CNTN5: variants seen among roughly 807,000 people sequenced by gnomAD.
The protein encoded by CNTN5 is contactin 5.
A neutral mutation model predicts 129.1 loss-of-function variants in CNTN5; 77 were observed. The observed-to-expected ratio is 0.60, with a 90% CI of 0.50 to 0.72. The LOEUF (loss-of-function observed/expected upper bound fraction) is 0.72, where lower values mean the gene tolerates loss of function less well. Ranked by LOEUF, CNTN5 falls within the 30% of genes least tolerant of loss-of-function variation. CNTN5 has a pLI of 0.00. For synonymous variants in CNTN5, 509 were observed against 465.6 expected (o/e 1.09, Z -1.20); for missense variants, 1,478 against 1,328.8 (o/e 1.11, Z -1.75).
At chr11:99,320,467 T>A (rs1315753889) in intron 1 of CNTN5, among the ~76,000 whole-genome samples, 1 of 152,166 alleles carries the variant, frequency 6.6e-6, no homozygotes, top group Admixed American at 6.6e-5. Flanking sequence ...GACATAAATT[T>A]GGAAGTTTTT....
At chr11:99,445,792 A>T (rs1591070441) in intron 2 of CNTN5, among the ~76,000 whole-genome samples, 1 of 152,008 alleles carries the variant, frequency 6.6e-6, no homozygotes, top group Non-Finnish European at 1.5e-5. Context: ...CTTTTAAAGT[A>T]CTTCCTTAGG....
At chr11:99,056,558 C>A (rs1343991201) in intron 1 of CNTN5, among the ~76,000 whole-genome samples, 1 of 151,996 alleles carries the variant, frequency 6.6e-6, no homozygotes, top group Non-Finnish European at 1.5e-5. Flanking sequence ...CCACCAGCAT[C>A]ATATTTTAAT....
intron 6 of CNTN5, among the ~76,000 whole-genome samples, chr11:99,885,903 A>G (rs940268379): frequency 6.6e-6 from 1 of 152,196 alleles, no homozygotes; most frequent in Non-Finnish European, 1.5e-5. Context: ...AGGAAATTAA[A>G]GCTTAACTAG....
chr11:99,124,176 C>G (rs1349019490), intron 1 of CNTN5, among the ~76,000 whole-genome samples: 1 of 151,944 alleles, frequency 6.6e-6, no homozygotes, highest in Admixed American at 6.6e-5. Context: ...GAATGTTTTT[C>G]CACTATTTGT....
chr11:100,110,931 C>G (rs1480999687), intron 13 of CNTN5, among the ~76,000 whole-genome samples: 2 of 151,844 alleles, frequency 1.3e-5, no homozygotes, highest in African/African-American at 4.8e-5. Context: ...ATAGTGCAGT[C>G]CATTGAGTAT....
chr11:100,216,797 A>T (rs936928736), intron 15 of CNTN5, among the ~76,000 whole-genome samples: 1 of 152,170 alleles, frequency 6.6e-6, no homozygotes, highest in East Asian at 1.9e-4. Flanking sequence ...TTACTACTCA[A>T]TGAAGCCATT....
chr11:99,531,243 G>T (rs1591229124), intron 2 of CNTN5, among the ~76,000 whole-genome samples: 3 of 152,320 alleles, frequency 2.0e-5, no homozygotes, highest in African/African-American at 7.2e-5. Context: ...GGCAGCATTT[G>T]CCCCTGCCAT....
chr11:99,343,418 A>G (rs1314149084), intron 2 of CNTN5, among the ~76,000 whole-genome samples: 1 of 152,218 alleles, frequency 6.6e-6, no homozygotes, highest in Non-Finnish European at 1.5e-5. Context: ...TGAGTGCTTC[A>G]TTATAAGACG....
At chr11:99,164,581 A>G (rs1206650966) in intron 1 of CNTN5, among the ~76,000 whole-genome samples, 7 of 152,200 alleles carry the variant, frequency 4.6e-5, no homozygotes, top group Non-Finnish European at 8.8e-5. Context: ...CTTACTCTTA[A>G]TGTGCTTAAA....
intron 1 of CNTN5, among the ~76,000 whole-genome samples, chr11:99,097,530 C>A (rs1317076827): frequency 2.0e-5 from 3 of 151,796 alleles, no homozygotes; most frequent in Non-Finnish European, 4.4e-5. Flanking sequence ...ATACATAATA[C>A]AATTTTGTAA....
chr11:99,871,084 T>A (rs11221712), intron 6 of CNTN5, among the ~76,000 whole-genome samples: 8,356 of 152,112 alleles, frequency 0.055, 309 homozygotes, highest in Non-Finnish European at 0.081. Flanking sequence ...CCAATCTTAG[T>A]TATTGAATTT....
intron 21 of CNTN5, chr11:100,337,760 C>A: frequency 5.2e-6 from 2 of 383,860 alleles, no homozygotes; most frequent in South Asian, 5.0e-5. Context: ...CACCGACATC[C>A]TTTTGAAACT....
At chr11:99,916,005 C>T in intron 6 of CNTN5, 49 bp from the exon 7 acceptor site, 1 of 1,393,744 alleles carries the variant, frequency 7.2e-7, no homozygotes, top group Non-Finnish European at 1.0e-6. Context: ...CATAGCAATT[C>T]TTTACATTCT....
At chr11:100,180,386 T>G (rs183688730) in intron 13 of CNTN5, among the ~76,000 whole-genome samples, 8 of 151,974 alleles carry the variant, frequency 5.3e-5, no homozygotes, top group Admixed American at 3.9e-4. Context: ...TGGAAAATGG[T>G]GCTAGAGTGA....
chr11:100,024,228 C>T (rs903139765), intron 9 of CNTN5, among the ~76,000 whole-genome samples: 14 of 152,134 alleles, frequency 9.2e-5, no homozygotes, highest in Non-Finnish European at 1.6e-4. Flanking sequence ...TCGCTTTCCC[C>T]TTTGCTAGGC....
chr11:99,189,820 G>A (rs1004781082), intron 1 of CNTN5, among the ~76,000 whole-genome samples: 1 of 151,566 alleles, frequency 6.6e-6, no homozygotes, highest in Non-Finnish European at 1.5e-5. Flanking sequence ...CTTATCATAT[G>A]TATGGTTTGC....
In CNTN5 at chr11:100,161,575, AACTGACTTCAC is replaced by A. The variant is rs568609435; in HGVS notation, c.1581-29549_1581-29539del. 1.7e-3 allele frequency among the ~76,000 whole-genome samples: 259 copies of A among 151,962 alleles called. 3 individuals are homozygous for A. The highest frequency in any genetic ancestry group is 3.0e-3 in the Admixed American group (45 of 15,224). On this transcript the variant is annotated intron_variant, in intron 13 of 24. Transcript: ENST00000524871. ...AGAGAGAATGTCTAATCAGAGACTA[AACTGACTTCAC>A]ATAGACAGTAGGAAGAAGTCCATGA...
chr11:99,772,667 T>G (rs192064074), intron 3 of CNTN5, among the ~76,000 whole-genome samples: 189 of 152,258 alleles, frequency 1.2e-3, no homozygotes, highest in African/African-American at 4.5e-3. Flanking sequence ...TATTTTTCTT[T>G]TTCATTTCAA....
chr11:100,350,869 A>G lies in CNTN5; in HGVS notation c.3198A>G (p.Ser1066=). Residue 1066 remains serine, a splice_region_variant and synonymous_variant, in exon 24 of 25, where the codon TCA becomes TCG. Coordinates refer to ENST00000524871, the MANE Select transcript of CNTN5 (RefSeq NM_014361.4). ...CTCAAATTAGGGTACCATCATATTC[A>G]GGTAAGTTTTGACACAGTAGATTTA... ...ASSQIRVPSY[S]GGKITSAQST... 6.4e-7 allele frequency: 1 copy of G among 1,557,930 alleles called. No individual in the cohort carries two copies. Among genetic ancestry groups the G allele is most frequent in the South Asian group, 1.2e-5 (1 of 81,886 alleles).
Sources: gnomAD v4.1 joint callset for allele counts (sites outside exome capture counted in the v4.1 genomes callset) on GRCh38, gnomAD v4.1.1 for gene constraint, MANE v1.5 for transcripts, NCBI Gene and HGNC (gene_info 2026-07-23, HGNC 2026-07-21) for gene names.